EDA: variants seen among roughly 807,000 people sequenced by gnomAD.
EDA encodes ectodysplasin-A.
A neutral mutation model predicts 23.6 loss-of-function variants in EDA; 2 were observed. That is an observed-to-expected ratio of 0.08 (90% CI 0.03 to 0.27). The LOEUF is 0.27. Among genes scored for constraint, EDA ranks in the 10% least tolerant of loss-of-function variants. The pLI, the probability that EDA is intolerant of heterozygous loss-of-function variation, is 1.00. For synonymous variants in EDA, 131 were observed against 132.0 expected, an observed-to-expected ratio of 0.99 and a Z score of 0.05; for missense variants, 229 against 324.2, an observed-to-expected ratio of 0.71 and a Z score of 2.26.
intron 1 of EDA, among the ~76,000 whole-genome samples, chrX:69,924,746 C>T (rs1251188400): frequency 1.8e-5 from 2 of 111,973 alleles, no homozygotes; most frequent in Non-Finnish European, 3.8e-5. Flanking sequence ...GGCAGTATGG[C>T]CATTTTCATG....
chrX:69,635,953 A>T (rs1026665418), intron 1 of EDA, among the ~76,000 whole-genome samples: 1 of 109,657 alleles, frequency 9.1e-6, no homozygotes, highest in Non-Finnish European at 1.9e-5. Flanking sequence ...ACTCCAAAAA[A>T]CTTTCCTTAA....
intron 1 of EDA, among the ~76,000 whole-genome samples, chrX:69,897,116 A>C (rs1263125208): frequency 9.1e-6 from 1 of 109,848 alleles, no homozygotes; most frequent in Non-Finnish European, 1.9e-5. Flanking sequence ...TAGAGAAAAA[A>C]ATTTGCACAA....
At chrX:69,894,265 T>C (rs780401488) in intron 1 of EDA, among the ~76,000 whole-genome samples, 4 of 111,312 alleles carry the variant, frequency 3.6e-5, no homozygotes, top group South Asian at 7.6e-4. Flanking sequence ...ACTGTGCATC[T>C]ATTTTTTTAC....
At chrX:69,733,095 T>C (rs1602346410) in intron 1 of EDA, among the ~76,000 whole-genome samples, 1 of 109,355 alleles carries the variant, frequency 9.1e-6, no homozygotes, top group East Asian at 2.9e-4. Context: ...GCAGAAGCTC[T>C]TTAGTTTAAT....
chrX:69,842,443 C>T (rs1331939678), intron 1 of EDA, among the ~76,000 whole-genome samples: 1 of 111,467 alleles, frequency 9.0e-6, no homozygotes, highest in East Asian at 2.8e-4. Flanking sequence ...TTTGAATCAT[C>T]CTGAAACCAT....
At chrX:69,825,019 G>C (rs1480156575) in intron 1 of EDA, among the ~76,000 whole-genome samples, 1 of 85,555 alleles carries the variant, frequency 1.2e-5, no homozygotes, top group African/African-American at 4.6e-5. Flanking sequence ...TGCGTATATT[G>C]AACCAGCCTT....
intron 1 of EDA, among the ~76,000 whole-genome samples, chrX:69,657,462 T>C (rs1933354540): frequency 8.9e-6 from 1 of 112,374 alleles, no homozygotes; most frequent in South Asian, 3.7e-4. Flanking sequence ...TCTTTCACTG[T>C]GCAGAAGCTC....
intron 1 of EDA, among the ~76,000 whole-genome samples, chrX:69,813,964 A>G (rs948703395): frequency 8.9e-6 from 1 of 112,484 alleles, no homozygotes; most frequent in Non-Finnish European, 1.9e-5. Context: ...GTATTCTACA[A>G]ATATGCCTTG....
At chrX:69,978,502 C>CAAA (rs1223244079) in intron 2 of EDA, among the ~76,000 whole-genome samples, 63 of 46,936 alleles carry the variant, frequency 1.3e-3, no homozygotes, top group African/African-American at 4.6e-3. Flanking sequence ...GAATCTGTCT[C>CAAA]AAAAAAAAAA....
chrX:69,635,036 G>A (rs1932747880), intron 1 of EDA, among the ~76,000 whole-genome samples: 1 of 112,082 alleles, frequency 8.9e-6, no homozygotes, highest in Non-Finnish European at 1.9e-5. Flanking sequence ...GGAGCAATAG[G>A]CTATACCTGT....
intron 1 of EDA, among the ~76,000 whole-genome samples, chrX:69,858,626 G>C (rs960075757): frequency 9.0e-6 from 1 of 111,601 alleles, no homozygotes; most frequent in African/African-American, 3.3e-5. Context: ...GCTGGAGTTC[G>C]TTTGCTGGTA....
At chrX:69,761,876 C>A in intron 1 of EDA, among the ~76,000 whole-genome samples, 1 of 111,703 alleles carries the variant, frequency 9.0e-6, no homozygotes, top group Non-Finnish European at 1.9e-5. Context: ...ATGCTTGTTA[C>A]TTTTAGACAC....
chrX:69,661,557 CTA>C (rs910413461), intron 1 of EDA, among the ~76,000 whole-genome samples: 1 of 111,126 alleles, frequency 9.0e-6, no homozygotes, highest in African/African-American at 3.3e-5. Flanking sequence ...TTTTAGCTTT[CTA>C]TATATGGCTA....
intron 1 of EDA, among the ~76,000 whole-genome samples, chrX:69,799,888 A>G (rs1426779088): frequency 1.1e-5 from 1 of 94,579 alleles, no homozygotes; most frequent in Non-Finnish European, 2.4e-5. Flanking sequence ...CCAAAGGAAA[A>G]GAAACCAATA....
chrX:69,777,471 T>G (rs761071265), intron 1 of EDA, among the ~76,000 whole-genome samples: 1 of 111,675 alleles, frequency 9.0e-6, no homozygotes, highest in Non-Finnish European at 1.9e-5. Flanking sequence ...TTAGTACATC[T>G]AACCGACATG....
In EDA at chrX:69,775,764, T is replaced by C. The variant is rs6624432; in HGVS notation, c.396+159060T>C. On this transcript the variant is annotated intron_variant, in intron 1 of 7. Coordinates refer to ENST00000374552, the MANE Select transcript of EDA (RefSeq NM_001399.5). ...ATTTGAAATAAAAAGTTATAGATGA[T>C]AGTTACAACCTATATCTGTCTCAAC... Among the ~76,000 whole-genome samples, 193 of 112,195 alleles carry C rather than the reference T, an allele frequency of 1.7e-3. 2 individuals are homozygous for C. The East Asian group carries it at 0.05, about 29-fold the overall frequency.
chrX:69,949,534 A>T lies in EDA; in HGVS notation c.397-7493A>T, dbSNP rs140937802. 4.3e-3 allele frequency among the ~76,000 whole-genome samples: 484 copies of T among 111,503 alleles called. 1 individual carries two copies. The highest frequency in any genetic ancestry group is 0.015 in the African/African-American group (465 of 30,694). On this transcript the variant is annotated intron_variant, in intron 1 of 7. Transcript: ENST00000374552. ...GCCTAGTGATTCTGATGTACACTGA[A>T]GTTTGAGAACCACTGACCTATAGGG...
intron 2 of EDA, among the ~76,000 whole-genome samples, chrX:69,967,936 G>A (rs1200343885): frequency 9.0e-6 from 1 of 111,681 alleles, no homozygotes; most frequent in African/African-American, 3.3e-5. Context: ...GGGCAGAAGG[G>A]TTCATGATGA....
At chrX:69,794,427 G>T (rs914670596) in intron 1 of EDA, among the ~76,000 whole-genome samples, 2 of 111,838 alleles carry the variant, frequency 1.8e-5, no homozygotes, top group African/African-American at 3.2e-5. Flanking sequence ...TAGTAAGGAA[G>T]TTCCAGTGTA....
Sources: allele counts gnomAD v4.1 joint callset (sites outside exome capture counted in the v4.1 genomes callset), GRCh38; gene constraint gnomAD v4.1.1; transcripts MANE v1.5; gene names NCBI Gene and HGNC (gene_info 2026-07-23, HGNC 2026-07-21).